Variants in NARS2 observed in about 807,000 individuals in gnomAD.
NARS2 encodes the protein asparaginyl-tRNA synthetase 2, mitochondrial.
Under a neutral mutation model 62.9 loss-of-function variants are expected in NARS2, and 60 were observed. That is an observed-to-expected ratio of 0.95 (90% confidence interval 0.77 to 1.18). The LOEUF (loss-of-function observed/expected upper bound fraction) is 1.18, where lower values mean the gene tolerates loss of function less well. NARS2 is among the 50% of genes most tolerant of loss of function. The probability of loss-of-function intolerance (pLI) is 0.00; values close to 1 mark genes in which losing one functional copy is unlikely to be tolerated. For synonymous variants in NARS2, 196 were observed against 200.0 expected (o/e 0.98, Z 0.17); for missense variants, 619 against 576.4 (o/e 1.07, Z -0.76).
chr11:78,568,408 C>T (rs1270413077), intron 3 of NARS2, among the ~76,000 whole-genome samples: 1 of 152,140 alleles, frequency 6.6e-6, no homozygotes, highest in African/African-American at 2.4e-5. Flanking sequence ...CAAGTTTTAA[C>T]TGTGACACAC....
intron 5 of NARS2, among the ~76,000 whole-genome samples, chr11:78,543,188 A>C (rs1855698630): frequency 1.3e-5 from 2 of 152,198 alleles, no homozygotes; most frequent in African/African-American, 4.8e-5. Flanking sequence ...AAAAAAAAAG[A>C]ATAAGCCATT....
At chr11:78,508,966 T>C (rs1328335533) in intron 6 of NARS2, among the ~76,000 whole-genome samples, 2 of 151,716 alleles carry the variant, frequency 1.3e-5, no homozygotes, top group Non-Finnish European at 2.9e-5. Context: ...AATACAAAAA[T>C]CAGCTGGGTA....
intron 7 of NARS2, among the ~76,000 whole-genome samples, chr11:78,490,400 C>G (rs555015872): frequency 7.9e-5 from 12 of 152,172 alleles, no homozygotes; most frequent in Admixed American, 2.6e-4. Flanking sequence ...AATAAAATGA[C>G]TCTGTGTTTT....
chr11:78,544,042 T>TAAAA (rs1855750185), intron 5 of NARS2, among the ~76,000 whole-genome samples: 2 of 46,262 alleles, frequency 4.3e-5, no homozygotes, highest in Non-Finnish European at 1.0e-4. Context: ...AAAAAAAAAC[T>TAAAA]CTCTCTCACT....
intron 11 of NARS2, among the ~76,000 whole-genome samples, chr11:78,447,514 T>G (rs941699635): frequency 8.5e-5 from 13 of 152,124 alleles, no homozygotes; most frequent in African/African-American, 3.1e-4. Flanking sequence ...TCCAGAAGAA[T>G]AGAAATCAGT....
At position 78,480,224 on chromosome 11, in the gene NARS2, T is replaced by C. The variant is rs573533592; in HGVS notation, c.823-1541A>G. Among the ~76,000 whole-genome samples, 30 of 152,282 alleles carry C rather than the reference T, an allele frequency of 2.0e-4. No individual in the cohort carries two copies. The South Asian group carries it at 5.8e-3, about 30-fold the overall frequency. On this transcript the variant is annotated intron_variant, in intron 7 of 13. Coordinates refer to ENST00000281038, the MANE Select transcript of NARS2 (RefSeq NM_024678.6). ...CTAGTGGCATTTGCTCTAGACATCTTGCTAAGCTATACTGCATTCCTGGTT... is the reference window on the plus strand; with the variant it reads ...CTAGTGGCATTTGCTCTAGACATCTCGCTAAGCTATACTGCATTCCTGGTT...
intron 7 of NARS2, among the ~76,000 whole-genome samples, chr11:78,484,078 T>C (rs1216725728): frequency 6.6e-6 from 1 of 151,914 alleles, no homozygotes; most frequent in Non-Finnish European, 1.5e-5. Flanking sequence ...ACCTCAGAAA[T>C]AACACCACAC....
At chr11:78,488,249 A>C (rs977934266) in intron 7 of NARS2, among the ~76,000 whole-genome samples, 8 of 151,938 alleles carry the variant, frequency 5.3e-5, no homozygotes, top group East Asian at 1.9e-4. Context: ...AAAAAAAAAA[A>C]AAAACTGTGT....
intron 11 of NARS2, among the ~76,000 whole-genome samples, chr11:78,457,804 AC>A (rs1858223449): frequency 1.4e-5 from 1 of 72,510 alleles, no homozygotes; most frequent in Non-Finnish European, 2.2e-5. Flanking sequence ...AACAACACAC[AC>A]ACACACACAC....
rs373663966 is a variant in NARS2, at chr11:78,507,957, C to T, written c.690-14762G>A. Among the ~76,000 whole-genome samples the T allele has an allele frequency of 1.8e-3, 277 of 152,236 alleles. 4 individuals are homozygous for T. The South Asian group carries it at 0.024, about 13-fold the overall frequency. On this transcript the variant is annotated intron_variant, in intron 6 of 13. Transcript: ENST00000281038. The stretch of plus-strand genomic sequence containing the variant: ...CTACTCAAAAAAGATTTTTAAACAA[C>T]TGTCTTAAAGACACTTAAAGAACTA...
At chr11:78,560,662 T>C (rs1007095589) in intron 4 of NARS2, among the ~76,000 whole-genome samples, 1 of 152,224 alleles carries the variant, frequency 6.6e-6, no homozygotes, top group African/African-American at 2.4e-5. Flanking sequence ...TCAAGTATTC[T>C]GGCTATAATA....
intron 7 of NARS2, among the ~76,000 whole-genome samples, chr11:78,489,177 C>G (rs544961567): frequency 6.6e-6 from 1 of 152,026 alleles, no homozygotes; most frequent in Non-Finnish European, 1.5e-5. Flanking sequence ...TAGGAGAACA[C>G]AGAAACCACA....
At chr11:78,505,334 A>G (rs1420530985) in intron 6 of NARS2, among the ~76,000 whole-genome samples, 2 of 151,164 alleles carry the variant, frequency 1.3e-5, no homozygotes, top group Non-Finnish European at 2.9e-5. Flanking sequence ...ATACGTATGT[A>G]TATATCTTAT....
chr11:78,484,878 C>T (rs554162452), intron 7 of NARS2, among the ~76,000 whole-genome samples: 18 of 152,260 alleles, frequency 1.2e-4, no homozygotes, highest in Admixed American at 3.9e-4. Flanking sequence ...AATCCCATTA[C>T]GGGGTATGTA....
intron 5 of NARS2, among the ~76,000 whole-genome samples, chr11:78,547,990 T>C (rs1323126368): frequency 1.3e-5 from 2 of 152,018 alleles, no homozygotes; most frequent in Non-Finnish European, 2.9e-5. Flanking sequence ...CAGGCTGAGA[T>C]TGGAGGATCG....
intron 10 of NARS2, among the ~76,000 whole-genome samples, chr11:78,467,989 G>A (rs956901733): frequency 6.7e-6 from 1 of 149,164 alleles, no homozygotes; most frequent in African/African-American, 2.5e-5. Context: ...GATTACAGGT[G>A]TGAACTACCA....
At chr11:78,499,328 G>A (rs1274051042) in intron 6 of NARS2, among the ~76,000 whole-genome samples, 1 of 151,870 alleles carries the variant, frequency 6.6e-6, no homozygotes, top group Non-Finnish European at 1.5e-5. Context: ...TTAAGAGATG[G>A]GGTCTCCTAT....
At chr11:78,548,037 T>C (rs1024136503) in intron 5 of NARS2, among the ~76,000 whole-genome samples, 2 of 152,040 alleles carry the variant, frequency 1.3e-5, no homozygotes, top group Non-Finnish European at 2.9e-5. Flanking sequence ...CTAGGCAACA[T>C]AATGACCTTG....
chr11:78,556,155 G>A (rs1856345078), intron 5 of NARS2, among the ~76,000 whole-genome samples: 1 of 152,100 alleles, frequency 6.6e-6, no homozygotes, highest in Non-Finnish European at 1.5e-5. Flanking sequence ...TATTGTCTAT[G>A]CCTCATTTTA....
Sources: allele counts gnomAD v4.1 joint callset (sites outside exome capture counted in the v4.1 genomes callset), GRCh38; gene constraint gnomAD v4.1.1; transcripts MANE v1.5; gene names NCBI Gene and HGNC (gene_info 2026-07-23, HGNC 2026-07-21).